GOLGA4: variants seen among roughly 807,000 people sequenced by gnomAD.
The protein encoded by GOLGA4 is golgin A4.
Under a neutral mutation model 265.9 loss-of-function variants are expected in GOLGA4, and 169 were observed. The ratio of observed to expected loss-of-function variants is 0.64; its 90% CI spans 0.56 to 0.72. GOLGA4 has a LOEUF of 0.72. GOLGA4 is among the 30% of genes least tolerant of loss of function. GOLGA4 has a pLI of 0.00. For synonymous variants in GOLGA4, 923 were observed against 855.8 expected (o/e 1.08, Z -1.37); for missense variants, 2,482 against 2,483.4 (o/e 1.00, Z 0.01).
chr3:37,245,121 T>C (rs187096106), intron 1 of GOLGA4, among the ~76,000 whole-genome samples: 5 of 152,318 alleles, frequency 3.3e-5, no homozygotes, highest in Admixed American at 2.6e-4. Flanking sequence ...TGTCCAACAA[T>C]AGAGAATTGG....
intron 21 of GOLGA4, among the ~76,000 whole-genome samples, chr3:37,348,055 A>C (rs1049984078): frequency 2.0e-5 from 3 of 152,082 alleles, no homozygotes; most frequent in Non-Finnish European, 4.4e-5. Context: ...CGTGGCTGAG[A>C]ATGGGATAAT....
chr3:37,289,393 T>C (rs932890409), intron 5 of GOLGA4, 102 bp downstream of exon 5: 10 of 692,750 alleles, frequency 1.4e-5, no homozygotes, highest in African/African-American at 1.1e-4. Flanking sequence ...TCATTAGTTA[T>C]ACTAATAACT....
At chr3:37,341,160 C>T (rs2097032679) in intron 20 of GOLGA4, among the ~76,000 whole-genome samples, 1 of 152,056 alleles carries the variant, frequency 6.6e-6, no homozygotes, top group Admixed American at 6.6e-5. Context: ...CCACCTGCCT[C>T]CCAAAGTGCA....
Position 37,363,061 on chromosome 3 carries a change from C to T in GOLGA4, c.*33+1756C>T, listed in dbSNP as rs371859740. The stretch of plus-strand genomic sequence containing the variant: ...CCTCCCAAAGTGCTGGGATTACAGG[C>T]GTGAGCCACTGTGCCTGGCCCTCTA... On this transcript the variant is annotated intron_variant, in intron 23 of 23. Coordinates refer to ENST00000361924, the MANE Select transcript of GOLGA4 (RefSeq NM_002078.5). Among the ~76,000 whole-genome samples, 5 of 152,170 alleles carry T rather than the reference C, an allele frequency of 3.3e-5. No homozygotes were observed. The South Asian group carries it at 6.2e-4, about 19-fold the overall frequency.
intron 1 of GOLGA4, chr3:37,244,032 G>A (rs888360929): frequency 1.2e-5 from 2 of 172,064 alleles, no homozygotes; most frequent in African/African-American, 4.8e-5. Context: ...TGCTCGAGGG[G>A]TCCCCCTCTC....
Position 37,243,462 on chromosome 3 carries a change from A to C in GOLGA4, c.-89A>C. ...CCGGCCCCCGCTGTCCCTGGTGTAAAGAAGTCGCCGTAGCCGTCGCGGCCG... is the reference window on the plus strand; with the variant it reads ...CCGGCCCCCGCTGTCCCTGGTGTAACGAAGTCGCCGTAGCCGTCGCGGCCG... On this transcript the variant is annotated 5_prime_UTR_variant, in exon 1 of 24. Transcript: ENST00000361924. 8.9e-7 allele frequency: 1 copy of C among 1,120,786 alleles called. No homozygotes were observed. Among genetic ancestry groups the C allele is most frequent in the African/African-American group, 1.5e-5 (1 of 65,384 alleles). The allele number at this position is 1,120,786 out of a possible 1,614,324, so 69.4% of individuals were successfully genotyped here.
chr3:37,331,855 T>C (rs1202380959), intron 16 of GOLGA4, among the ~76,000 whole-genome samples: 1 of 152,166 alleles, frequency 6.6e-6, no homozygotes, highest in Non-Finnish European at 1.5e-5. Flanking sequence ...TGTACCTATT[T>C]TGTCATTAAA....
intron 2 of GOLGA4, chr3:37,273,604 C>G (rs1218378161): frequency 7.0e-7 from 1 of 1,437,126 alleles, no homozygotes; most frequent in Admixed American, 2.0e-5. Flanking sequence ...TTCCTCAGGT[C>G]TGTTACTAAT....
At chr3:37,314,596 G>A (rs141009088) in intron 10 of GOLGA4, among the ~76,000 whole-genome samples, 121 of 150,310 alleles carry the variant, frequency 8.1e-4, no homozygotes, top group African/African-American at 2.7e-3. Context: ...AGCTGAGATC[G>A]CACCACTGCA....
chr3:37,342,118 G>A (rs1475222886), intron 20 of GOLGA4, among the ~76,000 whole-genome samples: 1 of 152,122 alleles, frequency 6.6e-6, no homozygotes, highest in African/African-American at 2.4e-5. Context: ...CAAAGTGGGT[G>A]GATCACTTGA....
At chr3:37,300,858 T>A (rs1036360738) in intron 9 of GOLGA4, among the ~76,000 whole-genome samples, 1 of 152,200 alleles carries the variant, frequency 6.6e-6, no homozygotes, top group Admixed American at 6.5e-5. Context: ...CTTTTATGAA[T>A]CAGGGTCCAA....
intron 4 of GOLGA4, 60 bp from the exon 5 acceptor site, chr3:37,289,175 G>T: frequency 4.6e-6 from 4 of 861,156 alleles, no homozygotes; most frequent in Admixed American, 2.5e-5. Flanking sequence ...GACTTGCTTT[G>T]TATTTACTAT....
intron 3 of GOLGA4, among the ~76,000 whole-genome samples, chr3:37,283,545 G>T (rs555679353): frequency 6.6e-6 from 1 of 152,178 alleles, no homozygotes; most frequent in South Asian, 2.1e-4. Context: ...TTGAGACAGG[G>T]TCTCACTTTG....
chr3:37,258,253 TAG>T (rs1230944791), intron 2 of GOLGA4, among the ~76,000 whole-genome samples: 3 of 148,292 alleles, frequency 2.0e-5, no homozygotes, highest in African/African-American at 4.9e-5. Flanking sequence ...ATAGCATATA[TAG>T]AGAGCATATA....
intron 17 of GOLGA4, 78 bp downstream of exon 17, chr3:37,335,244 A>G: frequency 2.7e-6 from 2 of 744,762 alleles, no homozygotes; most frequent in Non-Finnish European, 4.6e-6. Flanking sequence ...CTACTAACAT[A>G]CATACATATT....
At chr3:37,315,362 A>G (rs1203439357) in intron 10 of GOLGA4, 58 bp from the exon 11 acceptor site, 2 of 1,434,070 alleles carry the variant, frequency 1.4e-6, no homozygotes, top group Non-Finnish European at 1.9e-6. Flanking sequence ...AATGTAAAAC[A>G]CTTTAGCTCA....
intron 2 of GOLGA4, among the ~76,000 whole-genome samples, chr3:37,280,007 C>G (rs943333253): frequency 6.6e-6 from 1 of 151,944 alleles, no homozygotes; most frequent in African/African-American, 2.4e-5. Context: ...TTTCTTCTTA[C>G]CTAAAAAAAG....
intron 11 of GOLGA4, among the ~76,000 whole-genome samples, chr3:37,316,648 T>A (rs942967833): frequency 6.6e-6 from 1 of 152,218 alleles, no homozygotes; most frequent in Admixed American, 6.5e-5. Flanking sequence ...TAATGTATTA[T>A]TTTGAAAGGT....
Position 37,318,940 on chromosome 3 carries a change from G to A in GOLGA4, c.1414-123G>A, listed in dbSNP as rs1409591841. ...TATGCAGGAAATGTGTTTTCTCTTA[G>A]GAATGTGATTTTTTCTTCTTAAAAA... On this transcript the variant is annotated intron_variant, in intron 11 of 23. Transcript: ENST00000361924. 10 of 625,680 alleles carry A rather than the reference G, an allele frequency of 1.6e-5. No individual in the cohort carries two copies. The East Asian group carries it at 2.6e-4, about 16-fold the overall frequency. 38.8% of individuals were successfully genotyped at this position (625,680 alleles called of 1,614,324 possible). A position where few individuals can be genotyped will look rare whatever the true frequency, so the allele number is the denominator to read the frequency against.
Sources: gnomAD v4.1 joint callset for allele counts (sites outside exome capture counted in the v4.1 genomes callset) on GRCh38, gnomAD v4.1.1 for gene constraint, MANE v1.5 for transcripts, NCBI Gene and HGNC (gene_info 2026-07-23, HGNC 2026-07-21) for gene names.